Variants in ANKFN1 observed in about 807,000 individuals in gnomAD.
The protein encoded by ANKFN1 is ankyrin repeat and fibronectin type-III domain-containing protein 1.
A neutral mutation model predicts 108.7 loss-of-function variants in ANKFN1; 74 were observed. The observed-to-expected ratio is 0.68, with a 90% CI of 0.56 to 0.83. The LOEUF (loss-of-function observed/expected upper bound fraction) is 0.83. Among genes scored for constraint, ANKFN1 ranks in the 40% least tolerant of loss-of-function variants. ANKFN1 has a pLI of 0.00. For missense variants in ANKFN1, 1,505 were observed against 1,382.3 expected (o/e 1.09, Z -1.41); for synonymous variants, 547 against 516.2 (o/e 1.06, Z -0.81).
chr17:56,312,736 C>T (rs1451939922), intron 3 of ANKFN1, among the ~76,000 whole-genome samples: 1 of 152,182 alleles, frequency 6.6e-6, no homozygotes, highest in Non-Finnish European at 1.5e-5. Context: ...CTATGCTAAA[C>T]CTTGGGGTAT....
intron 4 of ANKFN1, among the ~76,000 whole-genome samples, chr17:56,073,078 C>T (rs945287437): frequency 6.6e-6 from 1 of 151,350 alleles, no homozygotes; most frequent in Admixed American, 6.6e-5. Flanking sequence ...CTGCAAGCTC[C>T]GCCTCCCGGG....
At chr17:56,263,275 A>T (rs2043567064) in intron 3 of ANKFN1, among the ~76,000 whole-genome samples, 1 of 152,194 alleles carries the variant, frequency 6.6e-6, no homozygotes, top group Admixed American at 6.5e-5. Context: ...CTTGATCTAT[A>T]TTAGGGAGCA....
chr17:56,185,925 GAA>G (rs11284568), intron 1 of ANKFN1, among the ~76,000 whole-genome samples: 2 of 150,002 alleles, frequency 1.3e-5, no homozygotes, highest in African/African-American at 2.5e-5. Flanking sequence ...AAATTAAAGT[GAA>G]AAAAAAAATA....
rs551615036 is a variant in ANKFN1, at chr17:56,515,866, T to C, written c.*4597T>C. ...ACAGTTATTCAAAAGGATGGTTGGC[T>C]TTGTTTAACAATTGGATAGGTGGGC... On this transcript the variant is annotated 3_prime_UTR_variant, in exon 21 of 21. Coordinates refer to ENST00000682825, the MANE Select transcript of ANKFN1 (RefSeq NM_001370326.1). Among the ~76,000 whole-genome samples, 1 of 152,352 alleles carries C rather than the reference T, an allele frequency of 6.6e-6. No homozygotes were observed. Among genetic ancestry groups the C allele is most frequent in the Non-Finnish European group, 1.5e-5 (1 of 68,024 alleles).
intron 4 of ANKFN1, among the ~76,000 whole-genome samples, chr17:56,139,821 T>A (rs535275526): frequency 2.0e-5 from 3 of 152,266 alleles, no homozygotes; most frequent in Admixed American, 6.5e-5. Context: ...TGTATCATCG[T>A]CCCTTGGTTT....
At chr17:56,301,952 C>G (rs2044681905) in intron 3 of ANKFN1, among the ~76,000 whole-genome samples, 1 of 152,186 alleles carries the variant, frequency 6.6e-6, no homozygotes. Context: ...AGAAATCTAC[C>G]ACTCTTCAAC....
chr17:56,189,160 G>A (rs985993534), intron 1 of ANKFN1, among the ~76,000 whole-genome samples: 2 of 114,818 alleles, frequency 1.7e-5, no homozygotes, highest in African/African-American at 3.9e-5. Flanking sequence ...GTAAGTAAAT[G>A]TTGCCCTGAC....
At chr17:56,164,220 T>C (rs961601383) in intron 1 of ANKFN1, among the ~76,000 whole-genome samples, 1 of 151,826 alleles carries the variant, frequency 6.6e-6, no homozygotes, top group Non-Finnish European at 1.5e-5. Context: ...AAGACCTCCG[T>C]TGCATTCCAC....
upstream of ANKFN1, among the ~76,000 whole-genome samples, chr17:56,150,746 C>T (rs1908552809): frequency 6.6e-6 from 1 of 152,110 alleles, no homozygotes; most frequent in Non-Finnish European, 1.5e-5. Flanking sequence ...AGGTTAGCCT[C>T]CTTCCACCAA....
At position 56,449,205 on chromosome 17, in the gene ANKFN1, G is replaced by C; in HGVS notation, c.1207+19G>C. 6.2e-7 allele frequency: 1 copy of C among 1,606,194 alleles called. No individual in the cohort carries two copies. The highest frequency in any genetic ancestry group is 1.1e-5 in the South Asian group (1 of 90,738). On this transcript the variant is annotated intron_variant, in intron 11 of 20. Transcript: ENST00000682825. ...TGCCGGGGTAAGGATAAAAATCTGT[G>C]CTGGGCCATCAACTGAGGTCTCGGT...
Position 56,288,599 on chromosome 17 carries a change from A to G in ANKFN1, c.54-37622A>G, listed in dbSNP as rs2332602. Among the ~76,000 whole-genome samples, 7 of 152,326 alleles carry G rather than the reference A, an allele frequency of 4.6e-5. No homozygotes were observed. The East Asian group carries it at 5.8e-4, about 13-fold the overall frequency. ...CCTCAATATGTAGTGTGATTCCACT[A>G]TTTTGGAAATAGGCAAATATAAATA... On this transcript the variant is annotated intron_variant, in intron 3 of 20. Coordinates refer to ENST00000682825, the MANE Select transcript of ANKFN1 (RefSeq NM_001370326.1).
chr17:56,329,900 T>C (rs1162324169), intron 4 of ANKFN1, among the ~76,000 whole-genome samples: 1 of 152,150 alleles, frequency 6.6e-6, no homozygotes, highest in Non-Finnish European at 1.5e-5. Flanking sequence ...TGTGAAGCTA[T>C]AGCAAGAGGG....
At chr17:56,098,440 G>A (rs11079209) in intron 4 of ANKFN1, among the ~76,000 whole-genome samples, 88,504 of 143,484 alleles carry the variant, frequency 0.62, 26,150 homozygotes, top group East Asian at 0.85. Flanking sequence ...ACACACACAC[G>A]CGCGCGCACA....
At chr17:56,503,486 CATATATAT>C (rs3052391) in intron 20 of ANKFN1, among the ~76,000 whole-genome samples, 14,524 of 81,256 alleles carry the variant, frequency 0.18, 1,435 homozygotes, top group Admixed American at 0.32. Flanking sequence ...GCACAAATTT[CATATATAT>C]ATATATATAT....
chr17:56,136,434 T>C (rs780866184), intron 4 of ANKFN1, among the ~76,000 whole-genome samples: 14 of 152,186 alleles, frequency 9.2e-5, no homozygotes, highest in Non-Finnish European at 1.8e-4. Flanking sequence ...CCAGAACAAA[T>C]GTCCTGGCTA....
chr17:56,133,992 T>G (rs1907446402), intron 4 of ANKFN1, among the ~76,000 whole-genome samples: 1 of 152,142 alleles, frequency 6.6e-6, no homozygotes, highest in South Asian at 2.1e-4. Context: ...CCCCAACTTT[T>G]GATGCCAATC....
At chr17:56,427,877 T>C (rs2048620834) in intron 8 of ANKFN1, among the ~76,000 whole-genome samples, 1 of 152,160 alleles carries the variant, frequency 6.6e-6, no homozygotes, top group Non-Finnish European at 1.5e-5. Flanking sequence ...TGAGTCTCAG[T>C]TTCCTCATCT....
intron 20 of ANKFN1, among the ~76,000 whole-genome samples, chr17:56,505,505 C>T (rs1373880734): frequency 6.6e-6 from 1 of 152,204 alleles, no homozygotes; most frequent in Non-Finnish European, 1.5e-5. Context: ...CATCCCTTTG[C>T]TTAATTTGTT....
At chr17:56,478,788 C>T (rs1298917799) in intron 16 of ANKFN1, among the ~76,000 whole-genome samples, 4 of 151,962 alleles carry the variant, frequency 2.6e-5, no homozygotes, top group South Asian at 2.1e-4. Flanking sequence ...CTAGATACTC[C>T]CAAAGAGTAT....
Sources: allele counts gnomAD v4.1 joint callset (sites outside exome capture counted in the v4.1 genomes callset), GRCh38; gene constraint gnomAD v4.1.1; transcripts MANE v1.5; gene names NCBI Gene and HGNC (gene_info 2026-07-23, HGNC 2026-07-21).